ARID1B: variants seen among roughly 807,000 people sequenced by gnomAD.
ARID1B encodes AT-rich interactive domain-containing protein 1B.
Under a neutral mutation model 212.3 loss-of-function variants are expected in ARID1B, and 30 were observed. That is an observed-to-expected ratio of 0.14 (90% CI 0.11 to 0.19). The LOEUF is 0.19. Among genes scored for constraint, ARID1B ranks in the 10% least tolerant of loss-of-function variants. The pLI, the probability that ARID1B is intolerant of heterozygous loss-of-function variation, is 1.00. For synonymous variants in ARID1B, 1,402 were observed against 1,301.7 expected (o/e 1.08, Z -1.66); for missense variants, 2,891 against 3,204.0 (o/e 0.90, Z 2.36).
At chr6:157,032,683 A>G (rs1781089564) in intron 4 of ARID1B, among the ~76,000 whole-genome samples, 2 of 152,210 alleles carry the variant, frequency 1.3e-5, no homozygotes, top group Non-Finnish European at 2.9e-5. Flanking sequence ...GGGTAATGTT[A>G]TTATTGACTT....
intron 1 of ARID1B, among the ~76,000 whole-genome samples, chr6:156,809,246 A>G (rs1781396543): frequency 6.6e-6 from 1 of 152,228 alleles, no homozygotes; most frequent in African/African-American, 2.4e-5. Flanking sequence ...CGTGAGAGCC[A>G]CATTGAGTCT....
chr6:156,901,654 A>G, intron 3 of ARID1B, 129 bp downstream of exon 3: 19 of 1,201,048 alleles, frequency 1.6e-5, no homozygotes, highest in African/African-American at 3.1e-5. Flanking sequence ...GAGAAAATGC[A>G]TAACTGTAAC....
intron 8 of ARID1B, among the ~76,000 whole-genome samples, chr6:157,163,772 C>T (rs1330712261): frequency 6.6e-6 from 1 of 152,252 alleles, no homozygotes; most frequent in Non-Finnish European, 1.5e-5. Flanking sequence ...CTTTGTACAA[C>T]CGCAGGGCCA....
At chr6:157,150,513 T>G (rs1790115483) in intron 8 of ARID1B, 1 of 157,196 alleles carries the variant, frequency 6.4e-6, no homozygotes, top group Admixed American at 6.5e-5. Context: ...AGATTAGAAT[T>G]GAGAATATTA....
chr6:157,162,695 A>T (rs17165197), intron 8 of ARID1B, among the ~76,000 whole-genome samples: 5 of 152,084 alleles, frequency 3.3e-5, no homozygotes, highest in Non-Finnish European at 7.3e-5. Flanking sequence ...TAACTCCCCA[A>T]TTTGAACATT....
intron 2 of ARID1B, among the ~76,000 whole-genome samples, chr6:156,833,122 T>C (rs1353050210): frequency 1.3e-5 from 2 of 152,148 alleles, no homozygotes; most frequent in East Asian, 3.9e-4. Flanking sequence ...TGGGGTTGGT[T>C]AACAGAAGTA....
intron 3 of ARID1B, among the ~76,000 whole-genome samples, chr6:156,921,498 G>T (rs927257242): frequency 6.8e-6 from 1 of 146,074 alleles, no homozygotes; most frequent in Non-Finnish European, 1.5e-5. Context: ...CACACAAAAT[G>T]TAAGGGAATC....
intron 11 of ARID1B, among the ~76,000 whole-genome samples, chr6:157,176,095 C>G (rs1290900645): frequency 1.3e-5 from 2 of 152,158 alleles, no homozygotes; most frequent in Non-Finnish European, 2.9e-5. Flanking sequence ...GTTGGTTGTT[C>G]TAGTAAATGT....
intron 2 of ARID1B, among the ~76,000 whole-genome samples, chr6:156,851,112 T>C (rs1784553912): frequency 6.6e-6 from 1 of 152,138 alleles, no homozygotes; most frequent in African/African-American, 2.4e-5. Flanking sequence ...CACTGCTAAT[T>C]TACATGAAGA....
At chr6:156,823,725 T>G (rs1362708896) in intron 1 of ARID1B, among the ~76,000 whole-genome samples, 2 of 149,004 alleles carry the variant, frequency 1.3e-5, no homozygotes, top group African/African-American at 4.9e-5. Flanking sequence ...TTTTCCAATT[T>G]GCGGTTGAAG....
At chr6:157,060,039 T>G (rs942672247) in intron 4 of ARID1B, among the ~76,000 whole-genome samples, 8 of 152,156 alleles carry the variant, frequency 5.3e-5, no homozygotes, top group African/African-American at 1.7e-4. Flanking sequence ...AATTACCAGA[T>G]TCCTGACTTA....
At chr6:157,012,765 A>G (rs1779690790) in intron 4 of ARID1B, among the ~76,000 whole-genome samples, 1 of 152,250 alleles carries the variant, frequency 6.6e-6, no homozygotes, top group Non-Finnish European at 1.5e-5. Flanking sequence ...TTCGTTTCAG[A>G]TCTATGAATA....
Position 156,813,050 on chromosome 6 carries a change from G to A in ARID1B, c.1792-16177G>A, listed in dbSNP as rs553708736. ...TATATACATATATATATACACATACGTATGTATATACATATATATATACAC... is the reference window on the plus strand; with the variant it reads ...TATATACATATATATATACACATACATATGTATATACATATATATATACAC... On this transcript the variant is annotated intron_variant, in intron 1 of 19. Transcript: ENST00000636930. 1.4e-4 allele frequency among the ~76,000 whole-genome samples: 20 copies of A among 139,506 alleles called. No individual in the cohort carries two copies. In the South Asian group the frequency reaches 3.4e-3, roughly 24 times the overall value. 91.5% of individuals were successfully genotyped at this position (139,506 alleles called of 152,430 possible).
At chr6:156,856,672 C>CCTCTCTCTCTCTCTCT (rs367924636) in intron 2 of ARID1B, among the ~76,000 whole-genome samples, 134 of 108,324 alleles carry the variant, frequency 1.2e-3, no homozygotes, top group Non-Finnish European at 1.4e-3. Flanking sequence ...GCATGCATAT[C>CCTCTCTCTCTCTCTCT]CTCTCTCTCT....
In ARID1B at chr6:157,201,612, A is replaced by G; in HGVS notation, c.5263+124A>G. The G allele has an allele frequency of 3.4e-6, 4 of 1,170,726 alleles. No individual in the cohort carries two copies. Among genetic ancestry groups the G allele is most frequent in the Non-Finnish European group, 4.6e-6 (4 of 866,694 alleles). 72.5% of individuals were successfully genotyped at this position (1,170,726 alleles called of 1,614,324 possible). On this transcript the variant is annotated intron_variant, in intron 18 of 19. Coordinates refer to ENST00000636930, the MANE Select transcript of ARID1B (RefSeq NM_001374828.1). The surrounding 1 kb of genome is among the most constrained non-coding windows in gnomAD (Gnocchi z 5.2). Reference sequence around the variant, plus strand: ...AAAAAATTATGACTAGAAGTTATCAAGATGCGTTTTTATATAGGAGTAATA... The same window carrying G: ...AAAAAATTATGACTAGAAGTTATCAGGATGCGTTTTTATATAGGAGTAATA...
At chr6:157,159,005 G>T (rs1440172992) in intron 8 of ARID1B, among the ~76,000 whole-genome samples, 1 of 152,126 alleles carries the variant, frequency 6.6e-6, no homozygotes, top group Non-Finnish European at 1.5e-5. Flanking sequence ...TCAGTGGGAT[G>T]CGACATGATA....
chr6:156,780,463 T>C (rs1779177368), intron 1 of ARID1B: 1 of 152,294 alleles, frequency 6.6e-6, no homozygotes, highest in African/African-American at 2.4e-5. Context: ...CTTGATCTCC[T>C]TTGCAAGGTT....
In ARID1B at chr6:157,189,707, G is replaced by A; in HGVS notation, c.3985G>A (p.Val1329Ile). 6.2e-7 allele frequency: 1 copy of A among 1,614,036 alleles called. No individual in the cohort carries two copies. The highest frequency in any genetic ancestry group is 1.6e-4 in the Middle Eastern group (1 of 6,062). ...QSTGSNSMAEVPGDLKPPTPA... is the reference protein window; with the variant it reads ...QSTGSNSMAEIPGDLKPPTPA... The stretch of plus-strand genomic sequence containing the variant: ...AACTGGCAGCAATTCCATGGCAGAG[G>A]TTCCAGGTGACCTGAAGCCACCTAC... Residue 1329 changes from valine to isoleucine, a missense_variant, in exon 14 of 20, where the codon GTT becomes ATT. Around this residue, in one of 7 missense-constraint regions of ARID1B, gnomAD observed 666 missense variants for 873.5 expected, o/e 0.76. Transcript: ENST00000636930.
chr6:156,917,815 A>G (rs988074695), intron 3 of ARID1B, among the ~76,000 whole-genome samples: 1 of 152,218 alleles, frequency 6.6e-6, no homozygotes, highest in South Asian at 2.1e-4. Flanking sequence ...CTAGCAGTAG[A>G]TCACTTGGTA....
Sources: gnomAD v4.1 joint callset for allele counts (sites outside exome capture counted in the v4.1 genomes callset) on GRCh38, gnomAD v4.1.1 for gene constraint, gnomAD v4.1.1 regional missense constraint, Gnocchi (gnomAD v3.1) non-coding constraint, MANE v1.5 for transcripts, NCBI Gene and HGNC (gene_info 2026-07-23, HGNC 2026-07-21) for gene names.